The following GALNTL6 variants were observed in gnomAD, a reference collection of about 807,000 sequenced individuals.
The protein encoded by GALNTL6 is polypeptide N-acetylgalactosaminyltransferase like 6.
GALNTL6 carries 46 observed loss-of-function variants against 73.7 expected under a neutral mutation model. The observed-to-expected ratio is 0.62, with a 90% CI of 0.49 to 0.80. The LOEUF is 0.80. GALNTL6 is among the 30% of genes least tolerant of loss of function. The pLI is 0.00. For synonymous variants in GALNTL6, 259 were observed against 263.7 expected, an observed-to-expected ratio of 0.98 and a Z score of 0.17; for missense variants, 604 against 755.0, an observed-to-expected ratio of 0.80 and a Z score of 2.34.
At chr4:172,576,845 C>A (rs1236153826) in intron 5 of GALNTL6, among the ~76,000 whole-genome samples, 2 of 152,122 alleles carry the variant, frequency 1.3e-5, no homozygotes. Flanking sequence ...TAAAATGTTT[C>A]TATGTAGAGA....
intron 10 of GALNTL6, among the ~76,000 whole-genome samples, chr4:172,993,724 T>G (rs563766534): frequency 6.6e-6 from 1 of 152,336 alleles, no homozygotes; most frequent in Non-Finnish European, 1.5e-5. Context: ...TGCTTTATTT[T>G]CAGGGAGAAA....
At chr4:172,306,980 G>A (rs1740162593) in intron 3 of GALNTL6, among the ~76,000 whole-genome samples, 1 of 152,166 alleles carries the variant, frequency 6.6e-6, no homozygotes, top group South Asian at 2.1e-4. Flanking sequence ...TGGATACCCA[G>A]TAGAGGGCTT....
In GALNTL6 at chr4:172,282,791, G is replaced by A. The variant is rs910245206; in HGVS notation, c.248-28823G>A. On this transcript the variant is annotated intron_variant, in intron 3 of 12. Coordinates refer to ENST00000506823, the MANE Select transcript of GALNTL6 (RefSeq NM_001034845.3). The stretch of plus-strand genomic sequence containing the variant: ...TGGATTCAAAATGTATTTTGGAGGC[G>A]TAATCAAATGAATAAAAGGTTATGT... Among the ~76,000 whole-genome samples the A allele has an allele frequency of 2.0e-5, 3 of 152,206 alleles. No individual in the cohort carries two copies. In the South Asian group the frequency reaches 6.2e-4, roughly 32 times the overall value.
At chr4:172,832,314 T>C (rs1430271271) in intron 7 of GALNTL6, among the ~76,000 whole-genome samples, 4 of 152,138 alleles carry the variant, frequency 2.6e-5, no homozygotes, top group African/African-American at 9.7e-5. Context: ...AAAGCTGAAC[T>C]AGGATTTCAC....
chr4:172,948,987 G>T (rs1424233993), intron 9 of GALNTL6, among the ~76,000 whole-genome samples: 3 of 152,066 alleles, frequency 2.0e-5, no homozygotes, highest in African/African-American at 4.8e-5. Flanking sequence ...TTTTCCCATT[G>T]ACTGCACCGG....
At chr4:172,194,924 A>G (rs943883511) in intron 2 of GALNTL6, among the ~76,000 whole-genome samples, 1 of 152,204 alleles carries the variant, frequency 6.6e-6, no homozygotes, top group African/African-American at 2.4e-5. Flanking sequence ...TCATGATGAC[A>G]GGATCAAATT....
intron 9 of GALNTL6, among the ~76,000 whole-genome samples, chr4:172,932,574 C>T (rs1337239002): frequency 6.6e-6 from 1 of 152,110 alleles, no homozygotes; most frequent in Admixed American, 6.6e-5. Context: ...CTGAGTATCC[C>T]TCATCCAAAC....
At position 172,266,834 on chromosome 4, in the gene GALNTL6, G is replaced by T. The variant is rs536005320; in HGVS notation, c.247+37070G>T. Among the ~76,000 whole-genome samples the T allele has an allele frequency of 5.3e-5, 8 of 152,068 alleles. No homozygotes were observed. The South Asian group carries it at 8.3e-4, about 16-fold the overall frequency. On this transcript the variant is annotated intron_variant, in intron 3 of 12. Transcript: ENST00000506823. ...CACTGTGATCTTGGTCTCTCTTTCT[G>T]TGTCTCTTTCTGTCTCTATGTCTCT...
At chr4:172,108,053 A>T (rs571406456) in intron 2 of GALNTL6, among the ~76,000 whole-genome samples, 1 of 152,208 alleles carries the variant, frequency 6.6e-6, no homozygotes, top group Non-Finnish European at 1.5e-5. Flanking sequence ...ATTCCTACTT[A>T]TTCATGCTCT....
chr4:172,728,610 G>C (rs547427325), intron 5 of GALNTL6, among the ~76,000 whole-genome samples: 125 of 151,986 alleles, frequency 8.2e-4, no homozygotes, highest in African/African-American at 3.0e-3. Context: ...TCCATATTTT[G>C]GCTATTGTGA....
intron 2 of GALNTL6, among the ~76,000 whole-genome samples, chr4:171,998,167 TTTAA>T (rs1278995261): frequency 1.7e-4 from 26 of 152,188 alleles, no homozygotes; most frequent in Admixed American, 1.7e-3. Flanking sequence ...TGATCATAAC[TTTAA>T]TTGTCACTCA....
chr4:172,559,057 G>GGTTTT (rs1356116270), intron 5 of GALNTL6, among the ~76,000 whole-genome samples: 1 of 40,500 alleles, frequency 2.5e-5, no homozygotes, highest in Non-Finnish European at 4.8e-5. Flanking sequence ...AATGATAATG[G>GGTTTT]ATTTTTTTTT....
chr4:172,128,265 A>AT (rs1471828884), intron 2 of GALNTL6, among the ~76,000 whole-genome samples: 2 of 152,104 alleles, frequency 1.3e-5, no homozygotes, highest in African/African-American at 4.8e-5. Context: ...TAATTGCTAT[A>AT]TTTTTTAATA....
At chr4:172,959,395 T>C (rs531373848) in intron 10 of GALNTL6, among the ~76,000 whole-genome samples, 1 of 151,994 alleles carries the variant, frequency 6.6e-6, no homozygotes, top group East Asian at 1.9e-4. Context: ...TAAAAGAGCA[T>C]TGTCTAAGTT....
Position 172,331,960 on chromosome 4 carries a change from G to A in GALNTL6, c.387-16563G>A, listed in dbSNP as rs377608274. 4.6e-5 allele frequency among the ~76,000 whole-genome samples: 7 copies of A among 152,184 alleles called. No homozygotes were observed. The East Asian group carries it at 1.2e-3, about 25-fold the overall frequency. Reference sequence around the variant, plus strand: ...AGAAATCTCTATACTGTTTTTCATAGTGGCTGCACCATTTTTTATTCCCCA... The same window carrying A: ...AGAAATCTCTATACTGTTTTTCATAATGGCTGCACCATTTTTTATTCCCCA... On this transcript the variant is annotated intron_variant, in intron 4 of 12. Transcript: ENST00000506823.
chr4:172,373,372 A>C (rs978561135), intron 5 of GALNTL6, among the ~76,000 whole-genome samples: 1 of 152,238 alleles, frequency 6.6e-6, no homozygotes, highest in Non-Finnish European at 1.5e-5. Flanking sequence ...TAGAGGAGTT[A>C]CTGCCTCATT....
chr4:172,609,352 T>G (rs1243217550), intron 5 of GALNTL6, among the ~76,000 whole-genome samples: 1 of 152,068 alleles, frequency 6.6e-6, no homozygotes, highest in East Asian at 1.9e-4. Context: ...TTTAGACATG[T>G]AGTATGTTGA....
At chr4:172,345,786 G>T (rs1269264230) in intron 4 of GALNTL6, among the ~76,000 whole-genome samples, 1 of 152,212 alleles carries the variant, frequency 6.6e-6, no homozygotes, top group Non-Finnish European at 1.5e-5. Flanking sequence ...TTCAGGGAAT[G>T]TGAGAAAGGA....
intron 2 of GALNTL6, among the ~76,000 whole-genome samples, chr4:172,104,813 C>T (rs1294244635): frequency 6.6e-6 from 1 of 152,144 alleles, no homozygotes; most frequent in Non-Finnish European, 1.5e-5. Context: ...TTCATACTAC[C>T]TTGAAACGTA....
Sources: gnomAD v4.1 joint callset for allele counts (sites outside exome capture counted in the v4.1 genomes callset) on GRCh38, gnomAD v4.1.1 for gene constraint, MANE v1.5 for transcripts, NCBI Gene and HGNC (gene_info 2026-07-23, HGNC 2026-07-21) for gene names.